APBA2: variants seen among roughly 807,000 people sequenced by gnomAD.
APBA2 encodes amyloid beta precursor protein binding family A member 2, also known as amyloid-beta A4 precursor protein-binding family A member 2.
In APBA2, 30 loss-of-function variants were observed where a neutral mutation model predicts 75.0. The observed-to-expected ratio is 0.40, with a 90% CI of 0.30 to 0.54. The LOEUF is 0.54. Ranked by LOEUF, APBA2 falls within the 20% of genes least tolerant of loss-of-function variation. The pLI is 0.49. For synonymous variants in APBA2, 444 were observed against 409.6 expected (o/e 1.08, Z -1.01); for missense variants, 801 against 1,016.1 (o/e 0.79, Z 2.88).
At chr15:28,999,275 A>G (rs1381739582) in intron 3 of APBA2, among the ~76,000 whole-genome samples, 1 of 152,264 alleles carries the variant, frequency 6.6e-6, no homozygotes, top group Non-Finnish European at 1.5e-5. Context: ...GATTAATCAA[A>G]CATCAGTATT....
chr15:28,938,971 T>C (rs2035032513), intron 2 of APBA2, among the ~76,000 whole-genome samples: 1 of 152,210 alleles, frequency 6.6e-6, no homozygotes, highest in African/African-American at 2.4e-5. Flanking sequence ...AACGTTTTCA[T>C]CTTCCCAAAA....
At chr15:28,981,861 T>TA (rs2037641348) in intron 2 of APBA2, among the ~76,000 whole-genome samples, 1 of 152,156 alleles carries the variant, frequency 6.6e-6, no homozygotes, top group South Asian at 2.1e-4. Context: ...TACAGCAACA[T>TA]AGATGCAGCT....
intron 8 of APBA2, among the ~76,000 whole-genome samples, chr15:29,095,922 C>G (rs1196413645): frequency 6.6e-6 from 1 of 152,234 alleles, no homozygotes; most frequent in African/African-American, 2.4e-5. Context: ...CCTAGTCCAG[C>G]TGGAGCAGGG....
chr15:28,993,816 C>T (rs1399574328), intron 2 of APBA2, among the ~76,000 whole-genome samples: 1 of 152,176 alleles, frequency 6.6e-6, no homozygotes, highest in Non-Finnish European at 1.5e-5. Context: ...AGTCCTGAGA[C>T]AGGCTCCGGG....
In APBA2 at chr15:29,108,258, C is replaced by T. The variant is rs758374840; in HGVS notation, c.1918-12C>T. The T allele has an allele frequency of 2.8e-5, 45 of 1,613,550 alleles. No individual in the cohort carries two copies. The East Asian group carries it at 3.3e-4, about 12-fold the overall frequency. ...AGGCCCAGCCTGTGACTCCTGTCCC[C>T]GTGCTCTGCAGGGCCTGAAGAACCA... is the stretch of plus-strand genomic sequence containing the variant. On this transcript the variant is annotated splice_polypyrimidine_tract_variant and intron_variant, in intron 12 of 14. Coordinates refer to ENST00000683413, the MANE Select transcript of APBA2 (RefSeq NM_001353788.2).
At chr15:29,007,457 G>A (rs974176064) in intron 3 of APBA2, among the ~76,000 whole-genome samples, 4 of 152,246 alleles carry the variant, frequency 2.6e-5, no homozygotes, top group African/African-American at 4.8e-5. Flanking sequence ...AGGAATGGAC[G>A]GAAATCTTTG....
At chr15:28,950,255 T>C (rs904476273) in intron 2 of APBA2, among the ~76,000 whole-genome samples, 14 of 152,198 alleles carry the variant, frequency 9.2e-5, no homozygotes, top group African/African-American at 3.4e-4. Flanking sequence ...TGTTGCATGA[T>C]ATCAATATGA....
chr15:29,095,446 A>T (rs2043806283), intron 8 of APBA2, among the ~76,000 whole-genome samples: 1 of 146,504 alleles, frequency 6.8e-6, no homozygotes. Flanking sequence ...AAAAAAAAAA[A>T]GGATTGACAT....
Position 29,037,589 on chromosome 15 carries a change from C to T in APBA2, c.-40-16256C>T, listed in dbSNP as rs536660218. 9.9e-5 allele frequency among the ~76,000 whole-genome samples: 15 copies of T among 152,092 alleles called. No individual in the cohort carries two copies. In the South Asian group the frequency reaches 2.3e-3, roughly 23 times the overall value. On this transcript the variant is annotated intron_variant, in intron 3 of 14. Coordinates refer to ENST00000683413, the MANE Select transcript of APBA2 (RefSeq NM_001353788.2). ...AAGCAGAGAGAGACAGCCAGAGTTA[C>T]GTGGGGCTGGAAGAAATCAGGCCAG...
Position 28,998,415 on chromosome 15 carries a change from C to T in APBA2, c.-41+2609C>T, listed in dbSNP as rs553246381. On this transcript the variant is annotated intron_variant, in intron 3 of 14. Transcript: ENST00000683413. ...AGAAGACATCACGTCCTGAAAATGA[C>T]GGGCTGATGTGATACTAGCATGTAC... Among the ~76,000 whole-genome samples, 14 of 152,164 alleles carry T rather than the reference C, an allele frequency of 9.2e-5. No homozygotes were observed. In the East Asian group the frequency reaches 1.7e-3, roughly 19 times the overall value.
At chr15:29,058,280 G>A (rs911062105) in intron 4 of APBA2, among the ~76,000 whole-genome samples, 1 of 152,098 alleles carries the variant, frequency 6.6e-6, no homozygotes, top group Non-Finnish European at 1.5e-5. Flanking sequence ...GGAGGCCAAG[G>A]TGGGCAAATC....
chr15:28,901,443 C>T (rs536722507), intron 1 of APBA2, among the ~76,000 whole-genome samples: 1 of 152,292 alleles, frequency 6.6e-6, no homozygotes, highest in South Asian at 2.1e-4. Flanking sequence ...ATGGAAAGCC[C>T]CTCTTCCTAT....
chr15:28,966,686 CT>C (rs1220634417), intron 2 of APBA2, among the ~76,000 whole-genome samples: 11 of 152,118 alleles, frequency 7.2e-5, no homozygotes, highest in Admixed American at 7.2e-4. Flanking sequence ...TGATTATTGA[CT>C]TGCTAGGGTT....
chr15:29,105,249 G>A (rs2044334790), intron 10 of APBA2, 130 bp from the exon 11 acceptor site: 1 of 888,536 alleles, frequency 1.1e-6, no homozygotes, highest in African/African-American at 1.7e-5. Flanking sequence ...GTTCTTCTAA[G>A]CCCGAGCAAG....
At chr15:29,031,656 A>G (rs2040493499) in intron 3 of APBA2, among the ~76,000 whole-genome samples, 1 of 152,054 alleles carries the variant, frequency 6.6e-6, no homozygotes, top group South Asian at 2.1e-4. Flanking sequence ...TGATTGGTGC[A>G]TGTTACAGAT....
At chr15:28,937,917 A>G (rs1371586150) in intron 2 of APBA2, among the ~76,000 whole-genome samples, 2 of 152,156 alleles carry the variant, frequency 1.3e-5, no homozygotes, top group Non-Finnish European at 2.9e-5. Flanking sequence ...TCGGCCTCCC[A>G]AAGTGCTGGG....
intron 1 of APBA2, among the ~76,000 whole-genome samples, chr15:28,890,105 C>T (rs137945591): frequency 0.032 from 4,841 of 152,234 alleles, 257 homozygotes; most frequent in African/African-American, 0.11. Context: ...CCTTTTCCCG[C>T]GTCCCAGAGC....
intron 1 of APBA2, chr15:28,895,538 C>G (rs2032426329): frequency 6.6e-6 from 1 of 152,208 alleles, no homozygotes; most frequent in African/African-American, 2.4e-5. Context: ...AGCTGTTCAT[C>G]CTCTGGGGGC....
chr15:28,958,531 G>T (rs57578006), intron 2 of APBA2, among the ~76,000 whole-genome samples: 11,331 of 152,304 alleles, frequency 0.074, 572 homozygotes, highest in East Asian at 0.24. Flanking sequence ...GAACTTTTCT[G>T]TAGGTAAATC....
Sources: allele counts gnomAD v4.1 joint callset (sites outside exome capture counted in the v4.1 genomes callset), GRCh38; gene constraint gnomAD v4.1.1; transcripts MANE v1.5; gene names NCBI Gene and HGNC (gene_info 2026-07-23, HGNC 2026-07-21).